The following NCKAP1L variants were observed in gnomAD, a reference collection of about 807,000 sequenced individuals.
The protein encoded by NCKAP1L is NCK associated protein 1 like.
Under a neutral mutation model 139.2 loss-of-function variants are expected in NCKAP1L, and 53 were observed. The observed-to-expected ratio is 0.38, with a 90% CI of 0.31 to 0.48. The LOEUF is 0.48. NCKAP1L is among the 20% of genes least tolerant of loss of function. The pLI is 0.98. For missense variants in NCKAP1L, 1,151 were observed against 1,381.9 expected, an observed-to-expected ratio of 0.83 and a Z score of 2.65; for synonymous variants, 468 against 499.7, an observed-to-expected ratio of 0.94 and a Z score of 0.85.
At chr12:54,508,057 G>A (rs528098189) in intron 4 of NCKAP1L, 148 bp downstream of exon 4, 59 of 737,044 alleles carry the variant, frequency 8.0e-5, no homozygotes, top group South Asian at 3.4e-4. Flanking sequence ...TACTATAATT[G>A]TTTTGTAAAA....
At chr12:54,542,260 C>T (rs1437463473) in intron 30 of NCKAP1L, among the ~76,000 whole-genome samples, 10 of 152,162 alleles carry the variant, frequency 6.6e-5, no homozygotes, top group Non-Finnish European at 1.0e-4. Context: ...GCTGCCCACC[C>T]ACATGTGATT....
At chr12:54,507,751 T>C in intron 3 of NCKAP1L, 102 bp from the exon 4 acceptor site, 2 of 1,079,040 alleles carry the variant, frequency 1.9e-6, no homozygotes, top group Non-Finnish European at 2.8e-6. Flanking sequence ...CTTGGTGGCT[T>C]TCTAGGACCT....
At chr12:54,531,419 G>C (rs1389700631) in intron 23 of NCKAP1L, 62 bp downstream of exon 23, 1 of 1,605,808 alleles carries the variant, frequency 6.2e-7, no homozygotes, top group Non-Finnish European at 8.5e-7. Flanking sequence ...GTGGGTATAG[G>C]AGACTGGGGG....
intron 3 of NCKAP1L, among the ~76,000 whole-genome samples, chr12:54,504,776 G>A (rs1956827345): frequency 1.3e-5 from 2 of 152,178 alleles, no homozygotes; most frequent in Non-Finnish European, 1.5e-5. Flanking sequence ...TACTGTGTGA[G>A]GCGTCTGTGA....
At chr12:54,528,485 C>T (rs775618508) in intron 22 of NCKAP1L, 108 bp downstream of exon 22, 230 of 1,384,212 alleles carry the variant, frequency 1.7e-4, no homozygotes, top group Non-Finnish European at 1.9e-4. Flanking sequence ...GTAATTTTTG[C>T]AATTACTTTT....
rs1414647244 is a variant in NCKAP1L at position 54,546,699 on chromosome 12, G to C, written c.*4014G>C. 3.3e-5 allele frequency: 5 copies of C among 152,312 alleles called. No homozygotes were observed. Among genetic ancestry groups the C allele is most frequent in the Non-Finnish European group, 5.9e-5 (4 of 68,116 alleles). The allele number at this position is 152,312 out of a possible 1,614,324, so 9.4% of individuals were successfully genotyped here. On this transcript the variant is annotated 3_prime_UTR_variant, in exon 31 of 31. Coordinates refer to ENST00000293373, the MANE Select transcript of NCKAP1L (RefSeq NM_005337.5). ...AGTACCTGTCATCAAAGGAGATGAA[G>C]ATGAATCCCCCTTCAGCCCCCACAC...
chr12:54,518,088 C>G, intron 13 of NCKAP1L, 150 bp downstream of exon 13: 1 of 859,886 alleles, frequency 1.2e-6, no homozygotes, highest in Non-Finnish European at 1.8e-6. Flanking sequence ...CGTCTGTAAT[C>G]CAAGCACTTT....
Position 54,543,594 on chromosome 12 carries a change from G to A in NCKAP1L, c.*909G>A, listed in dbSNP as rs1957176521. The A allele has an allele frequency of 6.6e-6, 1 of 152,196 alleles. No individual in the cohort carries two copies. Among genetic ancestry groups the A allele is most frequent in the African/African-American group, 2.4e-5 (1 of 41,440 alleles). 9.4% of individuals were successfully genotyped at this position (152,196 alleles called of 1,614,324 possible). On this transcript the variant is annotated 3_prime_UTR_variant, in exon 31 of 31. Transcript: ENST00000293373. Reference sequence around the variant, plus strand: ...CTGGGTATAGCTGTTGCTCCAGGAAGGGATTTCTCTTCTGGATCTTAAATT... The same window carrying A: ...CTGGGTATAGCTGTTGCTCCAGGAAAGGATTTCTCTTCTGGATCTTAAATT...
At position 54,545,965 on chromosome 12, in the gene NCKAP1L, C is replaced by A. The variant is rs1957193964; in HGVS notation, c.*3280C>A. ...GCAGAAGGAACTGGGTGTGGTGGCT[C>A]ACCCCTGTAATCCCAGCACTTTGGG... is the stretch of plus-strand genomic sequence containing the variant. On this transcript the variant is annotated 3_prime_UTR_variant, in exon 31 of 31. Transcript: ENST00000293373. 1 of 152,270 alleles carries A rather than the reference C, an allele frequency of 6.6e-6. No individual in the cohort carries two copies. Among genetic ancestry groups the A allele is most frequent in the Non-Finnish European group, 1.5e-5 (1 of 68,104 alleles). 9.4% of individuals were successfully genotyped at this position (152,270 alleles called of 1,614,324 possible). A position where few individuals can be genotyped will look rare whatever the true frequency, so the allele number is the denominator to read the frequency against.
In NCKAP1L at chr12:54,526,758, T is replaced by G. The variant is rs191901744; in HGVS notation, c.2375+12T>G. 6.2e-7 allele frequency: 1 copy of G among 1,608,148 alleles called. No homozygotes were observed. The highest frequency in any genetic ancestry group is 8.5e-7 in the Non-Finnish European group (1 of 1,175,666). On this transcript the variant is annotated intron_variant, in intron 21 of 30. Transcript: ENST00000293373. ...CTCTACACAAACTGGTCAGTGTTGC[T>G]TAGGCTTTTCCACTGCCTTACTTTG...
At position 54,512,117 on chromosome 12, in the gene NCKAP1L, G is replaced by T. The variant is rs1428875239; in HGVS notation, c.941+12G>T. 2 of 1,613,030 alleles carry T rather than the reference G, an allele frequency of 1.2e-6. No individual in the cohort carries two copies. The highest frequency in any genetic ancestry group is 1.3e-5 in the African/African-American group (1 of 74,902). On this transcript the variant is annotated intron_variant, in intron 9 of 30. Transcript: ENST00000293373. ...AGCAGTTTGAAAGGGTGAGAGACAC[G>T]AGAGCCAAACTGATCTTCCTTGAAT...
chr12:54,531,577 G>C lies in NCKAP1L; in HGVS notation c.2691G>C (p.Gln897His). 10 of 1,614,124 alleles carry C rather than the reference G, an allele frequency of 6.2e-6. No homozygotes were observed. The highest frequency in any genetic ancestry group is 8.5e-6 in the Non-Finnish European group (10 of 1,179,982). ...ACTTGATGGCTTCCCTGCTGCCCCA[G>C]CTGACAGGTAAGCATCCTCTTCCCC... ...KPDLMASLLP[Q>H]LTGAENVLKR... is the part of the protein sequence containing the mutation. The change falls in exon 24 of 31, where the codon CAG becomes CAC. Residue 897 changes from glutamine to histidine, a missense_variant. Transcript: ENST00000293373.
chr12:54,523,384 GT>G lies in NCKAP1L; in HGVS notation c.1879-7del. The G allele has an allele frequency of 6.2e-7, 1 of 1,605,710 alleles. No individual in the cohort carries two copies. The highest frequency in any genetic ancestry group is 8.5e-7 in the Non-Finnish European group (1 of 1,177,596). On this transcript the variant is annotated splice_polypyrimidine_tract_variant and intron_variant, in intron 18 of 30. Coordinates refer to ENST00000293373, the MANE Select transcript of NCKAP1L (RefSeq NM_005337.5). ...CCCCTTTCTCCATTTACCTGTGTTT[GT>G]TTCTGAAGCTTCTACCTAAGCACTG... is the stretch of plus-strand genomic sequence containing the variant.
intron 7 of NCKAP1L, among the ~76,000 whole-genome samples, 182 bp from the exon 8 acceptor site, chr12:54,511,621 G>A (rs1273248049): frequency 6.6e-6 from 1 of 152,166 alleles, no homozygotes; most frequent in East Asian, 1.9e-4. Flanking sequence ...TGCCCAGGCT[G>A]GTCTTGAACT....
Position 54,518,975 on chromosome 12 carries a change from A to G in NCKAP1L, c.1479+3A>G. On this transcript the variant is annotated splice_donor_region_variant and intron_variant, in intron 15 of 30. Transcript: ENST00000293373. Reference sequence around the variant, plus strand: ...GGCTGGACTGGTTCCGCCTACAGGTAATGATCTGTTCCTGTTAAAGATTCT... The same window carrying G: ...GGCTGGACTGGTTCCGCCTACAGGTGATGATCTGTTCCTGTTAAAGATTCT... 1 of 1,611,984 alleles carries G rather than the reference A, an allele frequency of 6.2e-7. No homozygotes were observed. The highest frequency in any genetic ancestry group is 8.5e-7 in the Non-Finnish European group (1 of 1,178,106).
chr12:54,529,055 T>G (rs955081960), intron 22 of NCKAP1L, among the ~76,000 whole-genome samples: 23 of 152,230 alleles, frequency 1.5e-4, no homozygotes, highest in Admixed American at 6.5e-5. Flanking sequence ...TCTAAGTGTT[T>G]ATACATATTA....
chr12:54,523,606 A>C, intron 19 of NCKAP1L, 67 bp downstream of exon 19: 1 of 1,542,596 alleles, frequency 6.5e-7, no homozygotes, highest in Non-Finnish European at 8.7e-7. Context: ...GGAAAGAGGG[A>C]AGGTGACACA....
rs1555170876 is a variant in NCKAP1L, at chr12:54,506,792, A to ATAT, written c.307-1061_307-1060insTAT. On this transcript the variant is annotated intron_variant, in intron 3 of 30. Coordinates refer to ENST00000293373, the MANE Select transcript of NCKAP1L (RefSeq NM_005337.5). ...AATCTTTTGGCAACATATTAAAAAA[A>ATAT]AAAAATATATATATATATATATATA... 4.8e-3 allele frequency among the ~76,000 whole-genome samples: 112 copies of ATAT among 23,148 alleles called. 1 individual carries two copies. Among genetic ancestry groups the ATAT allele is most frequent in the African/African-American group, 0.033 (110 of 3,318 alleles). The allele number at this position is 23,148 out of a possible 152,430, so 15.2% of individuals were successfully genotyped here. A position where few individuals can be genotyped will look rare whatever the true frequency, so the allele number is the denominator to read the frequency against.
chr12:54,506,215 G>A (rs1687996919), intron 3 of NCKAP1L, among the ~76,000 whole-genome samples: 1 of 151,984 alleles, frequency 6.6e-6, no homozygotes, highest in African/African-American at 2.4e-5. Context: ...TTTCAGAGTT[G>A]TTCCATTTTA....
Sources: gnomAD v4.1 joint callset for allele counts (sites outside exome capture counted in the v4.1 genomes callset) on GRCh38, gnomAD v4.1.1 for gene constraint, MANE v1.5 for transcripts, NCBI Gene and HGNC (gene_info 2026-07-23, HGNC 2026-07-21) for gene names.